TENM3: variants seen among roughly 807,000 people sequenced by gnomAD.
TENM3 encodes teneurin transmembrane protein 3, also known as teneurin-3.
In TENM3, 63 loss-of-function variants were observed where a neutral mutation model predicts 255.1. The ratio of observed to expected loss-of-function variants is 0.25; its 90% CI spans 0.20 to 0.30. The LOEUF is 0.30. TENM3 is among the 10% of genes least tolerant of loss of function. TENM3 has a pLI of 1.00. For missense variants in TENM3, 2,929 were observed against 3,461.1 expected (o/e 0.85, Z 3.86); for synonymous variants, 1,306 against 1,322.3 (o/e 0.99, Z 0.27).
At chr4:182,204,296 A>T (rs1246243525) in intron 1 of TENM3, among the ~76,000 whole-genome samples, 1 of 152,170 alleles carries the variant, frequency 6.6e-6, no homozygotes, top group Non-Finnish European at 1.5e-5. Flanking sequence ...CTCATGTAAG[A>T]GTTGAAATGT....
the TENM3 span, among the ~76,000 whole-genome samples, chr4:181,912,486 T>G: frequency 6.8e-6 from 1 of 147,696 alleles, no homozygotes; most frequent in Non-Finnish European, 1.5e-5. Context: ...AACATGAGAG[T>G]TTTTAAGATT....
At chr4:182,775,604 A>G (rs1764628792) in intron 24 of TENM3, among the ~76,000 whole-genome samples, 1 of 152,198 alleles carries the variant, frequency 6.6e-6, no homozygotes, top group Non-Finnish European at 1.5e-5. Context: ...GGCCACTGCA[A>G]ACGCAAGGCT....
the TENM3 span, among the ~76,000 whole-genome samples, chr4:181,520,397 C>T: frequency 1.3e-5 from 2 of 152,054 alleles, no homozygotes; most frequent in Non-Finnish European, 2.9e-5. Context: ...TTGCAACTGT[C>T]ATGGGGTACC....
the TENM3 span, among the ~76,000 whole-genome samples, chr4:181,988,701 A>G: frequency 2.0e-5 from 3 of 152,118 alleles, no homozygotes; most frequent in Admixed American, 1.3e-4. Flanking sequence ...AGATACAGGT[A>G]TGTTAAGTAA....
the TENM3 span, among the ~76,000 whole-genome samples, chr4:181,468,512 C>T: frequency 2.0e-5 from 3 of 152,162 alleles, no homozygotes; most frequent in Non-Finnish European, 2.9e-5. Flanking sequence ...ATTGAAGCCA[C>T]AACTGAGCGT....
chr4:181,604,973 A>G, the TENM3 span, among the ~76,000 whole-genome samples: 4 of 152,324 alleles, frequency 2.6e-5, no homozygotes, highest in East Asian at 1.9e-4. Flanking sequence ...GTTATTGCGC[A>G]AAGTGTTTAT....
chr4:182,467,297 A>AAATGATAT (rs11282341), intron 3 of TENM3, among the ~76,000 whole-genome samples: 41,449 of 151,650 alleles, frequency 0.27, 6,893 homozygotes, highest in East Asian at 0.5. Flanking sequence ...TGTAAAAGAG[A>AAATGATAT]AATGATATAA....
chr4:182,253,563 T>G (rs2150126842), intron 1 of TENM3, among the ~76,000 whole-genome samples: 1 of 152,342 alleles, frequency 6.6e-6, no homozygotes, highest in South Asian at 2.1e-4. Flanking sequence ...CACTTTTATA[T>G]GGAAGGCATA....
At chr4:182,668,919 A>G (rs1382778392) in intron 6 of TENM3, among the ~76,000 whole-genome samples, 2 of 152,208 alleles carry the variant, frequency 1.3e-5, no homozygotes, top group Non-Finnish European at 2.9e-5. Context: ...CCAGTTCTCA[A>G]AGCACAGGTA....
chr4:182,650,924 A>ATATATAT (rs1491428844), intron 5 of TENM3, among the ~76,000 whole-genome samples: 1 of 10,524 alleles, frequency 9.5e-5, no homozygotes, highest in Non-Finnish European at 1.4e-4. Flanking sequence ...ATATATATAT[A>ATATATAT]AAACAAAGCT....
At chr4:182,544,763 G>A (rs559450059) in intron 3 of TENM3, among the ~76,000 whole-genome samples, 2 of 152,156 alleles carry the variant, frequency 1.3e-5, no homozygotes, top group Non-Finnish European at 2.9e-5. Context: ...CCTATGCGTT[G>A]GCTTGATGAA....
chr4:182,203,144 G>C (rs2726803), intron 1 of TENM3, among the ~76,000 whole-genome samples: 34,473 of 151,740 alleles, frequency 0.23, 4,593 homozygotes, highest in East Asian at 0.43. Flanking sequence ...TTGAACCAGG[G>C]AGGTGGAGGT....
intron 3 of TENM3, among the ~76,000 whole-genome samples, chr4:182,422,972 C>G (rs1770947282): frequency 6.6e-6 from 1 of 152,150 alleles, no homozygotes. Flanking sequence ...AGGCCTTGTT[C>G]CTAACCTTGA....
chr4:181,983,966 A>G, the TENM3 span, among the ~76,000 whole-genome samples: 1 of 152,202 alleles, frequency 6.6e-6, no homozygotes, highest in South Asian at 2.1e-4. Flanking sequence ...CACTCTGATG[A>G]TCCTAGTCTA....
chr4:181,888,591 CGT>C, the TENM3 span, among the ~76,000 whole-genome samples: 21,611 of 90,046 alleles, frequency 0.24, 2,922 homozygotes, highest in South Asian at 0.41. Context: ...TATATATATG[CGT>C]GTGTGTGTGT....
At chr4:182,258,857 G>A (rs548225053) in intron 1 of TENM3, among the ~76,000 whole-genome samples, 17 of 152,322 alleles carry the variant, frequency 1.1e-4, no homozygotes, top group Admixed American at 3.9e-4. Flanking sequence ...ACATCAGTCT[G>A]AGAAGGACAA....
chr4:181,835,427 T>C, the TENM3 span, among the ~76,000 whole-genome samples: 10 of 152,236 alleles, frequency 6.6e-5, no homozygotes, highest in Non-Finnish European at 1.2e-4. Flanking sequence ...GTTAGTGAGT[T>C]AATTTCACAC....
intron 4 of TENM3, among the ~76,000 whole-genome samples, chr4:182,617,512 T>C (rs1007001331): frequency 1.3e-5 from 2 of 152,216 alleles, no homozygotes; most frequent in African/African-American, 2.4e-5. Flanking sequence ...TGAGGAAATC[T>C]TGTGAGACCT....
chr4:182,519,585 G>A (rs991082698), intron 3 of TENM3, among the ~76,000 whole-genome samples: 1 of 152,188 alleles, frequency 6.6e-6, no homozygotes, highest in Non-Finnish European at 1.5e-5. Context: ...GTTAAGTGAA[G>A]GAGCTGAAAT....
Sources: allele counts gnomAD v4.1 joint callset (sites outside exome capture counted in the v4.1 genomes callset), GRCh38; gene constraint gnomAD v4.1.1; transcripts MANE v1.5; gene names NCBI Gene and HGNC (gene_info 2026-07-23, HGNC 2026-07-21).